Variants in ILDR1 observed in about 807,000 individuals in gnomAD.
The protein encoded by ILDR1 is immunoglobulin-like domain-containing receptor 1.
A neutral mutation model predicts 62.4 loss-of-function variants in ILDR1; 56 were observed. That is an observed-to-expected ratio of 0.90 (90% CI 0.72 to 1.12). The LOEUF (loss-of-function observed/expected upper bound fraction) is 1.12, where lower values mean the gene tolerates loss of function less well. Ranked by LOEUF, ILDR1 falls within the 50% of genes most tolerant of loss-of-function variation. The probability of loss-of-function intolerance (pLI) is 0.00; values close to 1 mark genes in which losing one functional copy is unlikely to be tolerated. For synonymous variants in ILDR1, 284 were observed against 277.8 expected, an observed-to-expected ratio of 1.02 and a Z score of -0.22; for missense variants, 736 against 710.6, an observed-to-expected ratio of 1.04 and a Z score of -0.41.
Position 121,993,453 on chromosome 3 carries a change from C to T in ILDR1, c.1296G>A (p.Trp432Ter). 6.2e-7 allele frequency: 1 copy of T among 1,614,144 alleles called. No individual in the cohort carries two copies. The highest frequency in any genetic ancestry group is 8.5e-7 in the Non-Finnish European group (1 of 1,180,034). ...SDVPSSSEAR[W>*]RPSHPPFRSR... ...TCCTGAAAGGAGGGTGGCTCGGCCG[C>T]CAGCGTGCCTCACTGGATGAGGGGA... The change falls in exon 7 of 8, where the codon TGG becomes TGA. Residue 432 changes from tryptophan (W) to a stop codon, truncating the protein, a stop_gained. Coordinates refer to ENST00000344209, the MANE Select transcript of ILDR1 (RefSeq NM_001199799.2). LOFTEE classifies it high-confidence loss of function.
intron 1 of ILDR1, among the ~76,000 whole-genome samples, chr3:122,014,331 TTTTCC>T (rs1272249657): frequency 1.3e-5 from 2 of 152,220 alleles, no homozygotes; most frequent in Admixed American, 6.5e-5. Flanking sequence ...CCTTCACATC[TTTTCC>T]TATGTTGTTT....
chr3:122,032,721 A>G, the ILDR1 span, among the ~76,000 whole-genome samples: 1 of 152,310 alleles, frequency 6.6e-6, no homozygotes, highest in South Asian at 2.1e-4. Flanking sequence ...GGGAAAAGTC[A>G]TTTGCCATGT....
At chr3:122,044,965 G>T in the ILDR1 span, among the ~76,000 whole-genome samples, 2 of 148,636 alleles carry the variant, frequency 1.3e-5, no homozygotes, top group African/African-American at 4.9e-5. Context: ...GCTAGCTTTT[G>T]AATGTGTTTG....
At chr3:121,988,720 G>A (rs559158427) in intron 7 of ILDR1, among the ~76,000 whole-genome samples, 2 of 152,268 alleles carry the variant, frequency 1.3e-5, no homozygotes, top group African/African-American at 4.8e-5. Context: ...GACTGAAAAA[G>A]GGGTACCCTG....
intron 1 of ILDR1, among the ~76,000 whole-genome samples, chr3:122,012,920 C>G (rs1237203237): frequency 6.6e-6 from 1 of 152,204 alleles, no homozygotes; most frequent in Non-Finnish European, 1.5e-5. Flanking sequence ...GACTCATTCA[C>G]AGCTTGCCAG....
chr3:122,056,000 T>G, the ILDR1 span, among the ~76,000 whole-genome samples: 1 of 151,880 alleles, frequency 6.6e-6, no homozygotes, highest in Admixed American at 6.6e-5. Context: ...CTGGGCAGGG[T>G]TGGGTAGTGG....
chr3:122,028,184 A>T, the ILDR1 span, among the ~76,000 whole-genome samples: 2 of 151,934 alleles, frequency 1.3e-5, no homozygotes, highest in Non-Finnish European at 2.9e-5. Flanking sequence ...AAAAAAAAAA[A>T]AATTAGCTGG....
At chr3:122,059,872 C>T in the ILDR1 span, among the ~76,000 whole-genome samples, 7 of 152,092 alleles carry the variant, frequency 4.6e-5, no homozygotes, top group Admixed American at 1.3e-4. Flanking sequence ...AGCGGAAAAG[C>T]GGTGTGAAGA....
intron 1 of ILDR1, among the ~76,000 whole-genome samples, chr3:122,012,213 A>T (rs1199557312): frequency 6.6e-6 from 1 of 152,222 alleles, no homozygotes; most frequent in Non-Finnish European, 1.5e-5. Context: ...CAAAGCAGCA[A>T]ATCAGGCTGA....
chr3:122,001,894 T>A, intron 3 of ILDR1, 30 bp from the exon 4 acceptor site: 1 of 1,612,142 alleles, frequency 6.2e-7, no homozygotes, highest in African/African-American at 1.3e-5. Flanking sequence ...AAAGTGCCAG[T>A]GTCAGAGGAG....
upstream of ILDR1, among the ~76,000 whole-genome samples, chr3:122,023,617 A>G (rs1371905528): frequency 6.6e-6 from 1 of 152,046 alleles, no homozygotes; most frequent in Non-Finnish European, 1.5e-5. Context: ...CGGGATCTTA[A>G]CCCAGTCTCT....
chr3:122,014,420 A>G (rs1257877411), intron 1 of ILDR1, among the ~76,000 whole-genome samples: 1 of 152,146 alleles, frequency 6.6e-6, no homozygotes, highest in East Asian at 1.9e-4. Flanking sequence ...GTATATCAGT[A>G]TATGCAGATC....
At chr3:122,025,493 A>C (rs1056181941), upstream of ILDR1, among the ~76,000 whole-genome samples, 2 of 152,194 alleles carry the variant, frequency 1.3e-5, no homozygotes, top group Non-Finnish European at 2.9e-5. Flanking sequence ...TTCAGAACAC[A>C]ATACCCTTCA....
chr3:122,061,491 T>C, the ILDR1 span, among the ~76,000 whole-genome samples: 1 of 152,128 alleles, frequency 6.6e-6, no homozygotes, highest in African/African-American at 2.4e-5. Flanking sequence ...CAATGAGATA[T>C]TTTCCTGTAT....
chr3:121,994,370 C>T, intron 5 of ILDR1, 57 bp from the exon 6 acceptor site: 1 of 1,488,182 alleles, frequency 6.7e-7, no homozygotes, highest in South Asian at 1.3e-5. Context: ...CCACACCTCC[C>T]ACTTCACTTC....
rs1411050954 is a variant in ILDR1 at position 122,021,094 on chromosome 3, G to C, written c.58+926C>G. Reference sequence around the variant, plus strand: ...ACCTAAAAATACAAGACTCAAATTGGTCTGTGAGCAAACTCTAAGTTGACC... The same window carrying C: ...ACCTAAAAATACAAGACTCAAATTGCTCTGTGAGCAAACTCTAAGTTGACC... On this transcript the variant is annotated intron_variant, in intron 1 of 7. Transcript: ENST00000344209. Among the ~76,000 whole-genome samples, 3 of 152,250 alleles carry C rather than the reference G, an allele frequency of 2.0e-5. No homozygotes were observed. In the East Asian group the frequency reaches 5.8e-4, roughly 29 times the overall value.
chr3:122,032,426 A>G, the ILDR1 span, among the ~76,000 whole-genome samples: 3 of 152,254 alleles, frequency 2.0e-5, no homozygotes, highest in Non-Finnish European at 2.9e-5. Flanking sequence ...TGCTATAAAC[A>G]TTCTTTGACA....
rs906064444 is a variant in ILDR1, at chr3:122,003,743, G to T, written c.379+1501C>A. 2.0e-5 allele frequency among the ~76,000 whole-genome samples: 3 copies of T among 152,188 alleles called. No homozygotes were observed. In the East Asian group the frequency reaches 5.8e-4, roughly 29 times the overall value. The stretch of plus-strand genomic sequence containing the variant: ...GCAGGGTTTGAGCCAAAGGTGGCTG[G>T]GAGTGGGAGTAGTGGAAGGTATTTA... On this transcript the variant is annotated intron_variant, in intron 3 of 7. Coordinates refer to ENST00000344209, the MANE Select transcript of ILDR1 (RefSeq NM_001199799.2).
At chr3:122,046,253 C>G in the ILDR1 span, among the ~76,000 whole-genome samples, 2 of 149,862 alleles carry the variant, frequency 1.3e-5, no homozygotes, top group East Asian at 3.9e-4. Flanking sequence ...GGCCCCCACT[C>G]TCTTCTGGCT....
Sources: gnomAD v4.1 joint callset for allele counts (sites outside exome capture counted in the v4.1 genomes callset) on GRCh38, gnomAD v4.1.1 for gene constraint, MANE v1.5 for transcripts, NCBI Gene and HGNC (gene_info 2026-07-23, HGNC 2026-07-21) for gene names.